AFF3: variants seen among roughly 807,000 people sequenced by gnomAD.
The protein encoded by AFF3 is ALF transcription elongation factor 3.
AFF3 carries 32 observed loss-of-function variants against 129.7 expected under a neutral mutation model. The ratio of observed to expected loss-of-function variants is 0.25; its 90% CI spans 0.19 to 0.33. The LOEUF is 0.33. Among genes scored for constraint, AFF3 ranks in the 10% least tolerant of loss-of-function variants. The pLI, the probability that AFF3 is intolerant of heterozygous loss-of-function variation, is 1.00. For synonymous variants in AFF3, 644 were observed against 635.4 expected (o/e 1.01, Z -0.20); for missense variants, 1,373 against 1,592.0 (o/e 0.86, Z 2.34).
At chr2:99,571,917 A>C (rs1676507847) in intron 18 of AFF3, among the ~76,000 whole-genome samples, 4 of 152,226 alleles carry the variant, frequency 2.6e-5, no homozygotes. Flanking sequence ...ACAGTTATAG[A>C]ATATAATACA....
intron 7 of AFF3, among the ~76,000 whole-genome samples, chr2:99,935,126 C>T (rs13393937): frequency 0.1 from 15,883 of 152,228 alleles, 1,007 homozygotes; most frequent in Non-Finnish European, 0.13. Flanking sequence ...CGCATTAGCA[C>T]AGGGATGGCA....
At chr2:100,100,636 G>C (rs1278560512) in intron 4 of AFF3, among the ~76,000 whole-genome samples, 1 of 152,042 alleles carries the variant, frequency 6.6e-6, no homozygotes, top group Non-Finnish European at 1.5e-5. Context: ...TTCCTCACTT[G>C]ACAATAACAC....
At chr2:99,897,389 A>G (rs747703264) in intron 7 of AFF3, among the ~76,000 whole-genome samples, 1 of 152,098 alleles carries the variant, frequency 6.6e-6, no homozygotes, top group Non-Finnish European at 1.5e-5. Context: ...CTATTTTCAT[A>G]GAATCGTAGG....
chr2:99,673,945 T>C (rs1054637822), intron 11 of AFF3, among the ~76,000 whole-genome samples: 3 of 152,250 alleles, frequency 2.0e-5, no homozygotes, highest in African/African-American at 7.2e-5. Context: ...ATCCTAAGGT[T>C]GAATCCTGCT....
intron 2 of AFF3, among the ~76,000 whole-genome samples, chr2:100,123,241 T>C (rs1692052318): frequency 1.3e-5 from 2 of 152,232 alleles, no homozygotes; most frequent in Non-Finnish European, 2.9e-5. Context: ...AAACTGCTAA[T>C]TCTGCTTAGA....
At chr2:99,947,547 AAGAAAGAGAG>A (rs1675703278) in intron 7 of AFF3, among the ~76,000 whole-genome samples, 1 of 145,232 alleles carries the variant, frequency 6.9e-6, no homozygotes, top group Admixed American at 6.7e-5. Context: ...AAAAGAGAGA[AAGAAAGAGAG>A]AGAAAGAGAA....
chr2:100,119,938 A>G (rs1691885162), intron 2 of AFF3, among the ~76,000 whole-genome samples: 1 of 152,232 alleles, frequency 6.6e-6, no homozygotes, highest in Non-Finnish European at 1.5e-5. Context: ...AATGGAGTAG[A>G]TTACGCTTCT....
At chr2:100,066,347 A>C (rs1687714486) in intron 4 of AFF3, among the ~76,000 whole-genome samples, 1 of 152,210 alleles carries the variant, frequency 6.6e-6, no homozygotes, top group Non-Finnish European at 1.5e-5. Flanking sequence ...GTGGTATCTG[A>C]ATATCTATAG....
intron 15 of AFF3, among the ~76,000 whole-genome samples, chr2:99,588,126 C>T (rs1419821503): frequency 6.6e-6 from 1 of 151,940 alleles, no homozygotes; most frequent in East Asian, 1.9e-4. Flanking sequence ...CCATAAAGTA[C>T]CTTTTTCTAA....
intron 7 of AFF3, among the ~76,000 whole-genome samples, chr2:99,943,145 G>A (rs1675219217): frequency 6.6e-6 from 1 of 152,240 alleles, no homozygotes; most frequent in South Asian, 2.1e-4. Context: ...CAACCCCATT[G>A]TCATGGGTCA....
chr2:99,707,576 C>T (rs376126280), intron 11 of AFF3: 6 of 984,956 alleles, frequency 6.1e-6, no homozygotes, highest in African/African-American at 1.7e-5. Context: ...AAAAAAAATC[C>T]CCCTTGCAAT....
At chr2:99,938,507 C>G (rs1283216246) in intron 7 of AFF3, among the ~76,000 whole-genome samples, 1 of 152,086 alleles carries the variant, frequency 6.6e-6, no homozygotes, top group Non-Finnish European at 1.5e-5. Context: ...GGTCACAGTA[C>G]CCAGACATTT....
chr2:99,782,809 T>G (rs955153766), intron 8 of AFF3, among the ~76,000 whole-genome samples: 1 of 152,222 alleles, frequency 6.6e-6, no homozygotes, highest in African/African-American at 2.4e-5. Context: ...CACAAAGTAT[T>G]TTAAACTAAT....
chr2:99,710,864 A>T (rs368084799), intron 11 of AFF3, among the ~76,000 whole-genome samples: 3 of 152,136 alleles, frequency 2.0e-5, no homozygotes, highest in East Asian at 3.9e-4. Flanking sequence ...ACTAAAATAC[A>T]CTCTGCCAAC....
chr2:99,598,134 C>T (rs924307054), intron 14 of AFF3, among the ~76,000 whole-genome samples: 7 of 152,114 alleles, frequency 4.6e-5, no homozygotes, highest in Admixed American at 2.6e-4. Context: ...ACAGTACACC[C>T]GAGCAATAGT....
chr2:99,573,176 A>G (rs914974000), intron 18 of AFF3, among the ~76,000 whole-genome samples: 3 of 152,182 alleles, frequency 2.0e-5, no homozygotes, highest in Non-Finnish European at 4.4e-5. Context: ...ATGATTGGAC[A>G]GCTGAGATTT....
chr2:99,974,398 A>G (rs760510054), intron 7 of AFF3, among the ~76,000 whole-genome samples: 3 of 152,252 alleles, frequency 2.0e-5, no homozygotes, highest in Non-Finnish European at 4.4e-5. Context: ...ACTCAAGCAC[A>G]AAAGTGAGCA....
intron 7 of AFF3, among the ~76,000 whole-genome samples, chr2:99,926,175 T>C (rs1696224267): frequency 6.6e-6 from 1 of 152,236 alleles, no homozygotes; most frequent in Non-Finnish European, 1.5e-5. Context: ...ATGAGTACGA[T>C]ACCAGAATCT....
At chr2:99,789,480 G>C (rs886766283) in intron 8 of AFF3, among the ~76,000 whole-genome samples, 2 of 150,528 alleles carry the variant, frequency 1.3e-5, no homozygotes, top group Non-Finnish European at 3.0e-5. Context: ...AGTAGTTGAG[G>C]ATTCAGGCCA....
Sources: allele counts gnomAD v4.1 joint callset (sites outside exome capture counted in the v4.1 genomes callset), GRCh38; gene constraint gnomAD v4.1.1; transcripts MANE v1.5; gene names NCBI Gene and HGNC (gene_info 2026-07-23, HGNC 2026-07-21).